The following ANKS1B variants were observed in gnomAD, a reference collection of about 807,000 sequenced individuals.
ANKS1B encodes the protein ankyrin repeat and sterile alpha motif domain containing 1B, also known as ankyrin repeat and sterile alpha motif domain-containing protein 1B.
ANKS1B carries 36 observed loss-of-function variants against 148.3 expected under a neutral mutation model. The observed-to-expected ratio is 0.24, with a 90% CI of 0.19 to 0.32. The LOEUF is 0.32. Among genes scored for constraint, ANKS1B ranks in the 10% least tolerant of loss-of-function variants. The pLI, the probability that ANKS1B is intolerant of heterozygous loss-of-function variation, is 1.00. For missense variants in ANKS1B, 1,157 were observed against 1,542.6 expected (o/e 0.75, Z 4.19); for synonymous variants, 542 against 560.8 (o/e 0.97, Z 0.47).
chr12:98,781,313 AACACACACAC>A (rs59308427), intron 23 of ANKS1B, 110 bp from the exon 24 acceptor site: 163 of 614,096 alleles, frequency 2.7e-4, no homozygotes, highest in Non-Finnish European at 3.9e-4. Flanking sequence ...AAACAACAAC[AACACACACAC>A]ACACACACAC....
intron 8 of ANKS1B, among the ~76,000 whole-genome samples, chr12:99,675,943 G>C (rs542624282): frequency 8.5e-5 from 13 of 152,148 alleles, no homozygotes; most frequent in African/African-American, 3.1e-4. Context: ...CTTGTGATAG[G>C]GTTTGGCTTT....
chr12:99,807,802 G>C (rs2067830163), intron 3 of ANKS1B, among the ~76,000 whole-genome samples: 1 of 152,042 alleles, frequency 6.6e-6, no homozygotes, highest in South Asian at 2.1e-4. Context: ...AAGTAGCCAA[G>C]ACCCAAAGTG....
chr12:99,401,304 G>A (rs1163783678), intron 11 of ANKS1B, among the ~76,000 whole-genome samples: 1 of 146,138 alleles, frequency 6.8e-6, no homozygotes, highest in African/African-American at 2.6e-5. Flanking sequence ...TTCTATAATA[G>A]CAATTAGAAA....
chr12:99,700,925 T>C (rs2054708072), intron 8 of ANKS1B, among the ~76,000 whole-genome samples: 1 of 152,162 alleles, frequency 6.6e-6, no homozygotes, highest in South Asian at 2.1e-4. Flanking sequence ...AATCCCCACC[T>C]GCTGAACTGG....
At chr12:98,930,969 C>T (rs2099813201) in intron 17 of ANKS1B, among the ~76,000 whole-genome samples, 1 of 151,478 alleles carries the variant, frequency 6.6e-6, no homozygotes, top group African/African-American at 2.4e-5. Context: ...TTTTTCTCCC[C>T]TATTGGGACA....
intron 12 of ANKS1B, among the ~76,000 whole-genome samples, chr12:99,282,274 C>T (rs939571697): frequency 2.0e-5 from 3 of 152,134 alleles, no homozygotes; most frequent in African/African-American, 7.2e-5. Context: ...CATGACTATG[C>T]TTGGTATGTT....
chr12:99,273,546 A>G (rs1428229491), intron 12 of ANKS1B, among the ~76,000 whole-genome samples: 1 of 141,624 alleles, frequency 7.1e-6, no homozygotes, highest in Non-Finnish European at 1.5e-5. Flanking sequence ...TTCTTAAAAC[A>G]TTATCAGATT....
intron 12 of ANKS1B, among the ~76,000 whole-genome samples, chr12:99,280,874 C>G (rs111736052): frequency 2.6e-4 from 37 of 142,760 alleles, no homozygotes; most frequent in Admixed American, 7.7e-4. Context: ...CTGTCTGTCT[C>G]TCTCTCTCTC....
intron 12 of ANKS1B, among the ~76,000 whole-genome samples, chr12:99,348,697 A>G (rs2091051448): frequency 6.6e-6 from 1 of 151,958 alleles, no homozygotes; most frequent in Admixed American, 6.6e-5. Flanking sequence ...AAGCAAAGCT[A>G]TCCTTTAAAG....
At chr12:99,798,986 AAAAC>A (rs1183546880) in intron 4 of ANKS1B, among the ~76,000 whole-genome samples, 6 of 152,198 alleles carry the variant, frequency 3.9e-5, no homozygotes, top group South Asian at 4.1e-4. Flanking sequence ...ATTTAAAAAC[AAAAC>A]AAACAACCAA....
chr12:99,853,757 T>C (rs1434986936), intron 1 of ANKS1B, among the ~76,000 whole-genome samples: 2 of 152,018 alleles, frequency 1.3e-5, no homozygotes, highest in Non-Finnish European at 2.9e-5. Flanking sequence ...ATTCAGAAGG[T>C]CAATTATTAA....
At chr12:99,095,381 G>A in intron 15 of ANKS1B, among the ~76,000 whole-genome samples, 1 of 152,114 alleles carries the variant, frequency 6.6e-6, no homozygotes, top group Non-Finnish European at 1.5e-5. Flanking sequence ...CTTTCCTAAT[G>A]AAAAGGGAAA....
In ANKS1B at chr12:98,751,582, T is replaced by C; in HGVS notation, c.3580-60A>G. The C allele has an allele frequency of 6.5e-7, 1 of 1,541,246 alleles. No individual in the cohort carries two copies. On this transcript the variant is annotated intron_variant, in intron 25 of 26. Transcript: ENST00000683438. This position sits in a 1 kb window ranked among gnomAD's most constrained non-coding sequence, Gnocchi z 4.3. ...ACACTGCAAATTAGAATGGGTCGAA[T>C]GGCTGAGGAACACTGAGGGAGGTGA...
chr12:99,748,652 G>A (rs2060826497), intron 8 of ANKS1B, among the ~76,000 whole-genome samples: 1 of 151,990 alleles, frequency 6.6e-6, no homozygotes, highest in African/African-American at 2.4e-5. Flanking sequence ...AGTGGAAGGA[G>A]ATAGAAAATA....
At chr12:98,743,615 A>C (rs542748056), downstream of ANKS1B, among the ~76,000 whole-genome samples, 34 of 152,324 alleles carry the variant, frequency 2.2e-4, no homozygotes, top group African/African-American at 8.2e-4. Flanking sequence ...TATAGAAAAA[A>C]ATGAAAGGAC....
At chr12:99,615,594 C>A (rs968858338) in intron 9 of ANKS1B, among the ~76,000 whole-genome samples, 41 of 152,094 alleles carry the variant, frequency 2.7e-4, no homozygotes, top group Non-Finnish European at 1.5e-5. Context: ...ATTCAACACC[C>A]CTTCATGCTA....
At chr12:99,134,957 A>G (rs888231837) in intron 15 of ANKS1B, among the ~76,000 whole-genome samples, 3 of 152,198 alleles carry the variant, frequency 2.0e-5, no homozygotes, top group Non-Finnish European at 2.9e-5. Context: ...CAGTCATTAG[A>G]GGATAGCTTT....
intron 24 of ANKS1B, among the ~76,000 whole-genome samples, chr12:98,773,447 G>A (rs1172272571): frequency 1.3e-5 from 2 of 152,108 alleles, no homozygotes; most frequent in Non-Finnish European, 2.9e-5. Flanking sequence ...AGTCTGGGTG[G>A]CGGCCACTTT....
intron 9 of ANKS1B, among the ~76,000 whole-genome samples, chr12:99,536,718 G>T (rs763503427): frequency 3.9e-5 from 6 of 152,112 alleles, no homozygotes; most frequent in Admixed American, 6.5e-5. Flanking sequence ...ACATTATGAA[G>T]AACGGGGTAT....
Sources: allele counts gnomAD v4.1 joint callset (sites outside exome capture counted in the v4.1 genomes callset), GRCh38; gene constraint gnomAD v4.1.1; non-coding constraint Gnocchi (gnomAD v3.1); transcripts MANE v1.5; gene names NCBI Gene and HGNC (gene_info 2026-07-23, HGNC 2026-07-21).